KIF24: variants seen among roughly 807,000 people sequenced by gnomAD.
The protein encoded by KIF24 is kinesin family member 24.
KIF24 carries 81 observed loss-of-function variants against 118.9 expected under a neutral mutation model. The observed-to-expected ratio is 0.68, with a 90% CI of 0.57 to 0.82. The LOEUF (loss-of-function observed/expected upper bound fraction) is 0.82, where lower values mean the gene tolerates loss of function less well. Ranked by LOEUF, KIF24 falls within the 40% of genes least tolerant of loss-of-function variation. KIF24 has a pLI of 0.00. For missense variants in KIF24, 1,560 were observed against 1,661.6 expected (o/e 0.94, Z 1.06); for synonymous variants, 599 against 610.0 (o/e 0.98, Z 0.27).
At chr9:34,291,581 G>C (rs927217556) in intron 4 of KIF24, among the ~76,000 whole-genome samples, 8 of 152,328 alleles carry the variant, frequency 5.3e-5, no homozygotes, top group African/African-American at 1.9e-4. Context: ...TTATGAGTGT[G>C]AAGAACTGCA....
intron 8 of KIF24, among the ~76,000 whole-genome samples, chr9:34,266,417 G>A (rs564541822): frequency 2.4e-4 from 36 of 152,252 alleles, no homozygotes; most frequent in Admixed American, 1.8e-3. Context: ...GGTGGCTCAT[G>A]CCTGTAATCC....
At chr9:34,307,607 G>A (rs1836973914) in intron 2 of KIF24, among the ~76,000 whole-genome samples, 1 of 152,042 alleles carries the variant, frequency 6.6e-6, no homozygotes, top group Non-Finnish European at 1.5e-5. Flanking sequence ...GGAAAATCGT[G>A]ACAATCATTG....
intron 8 of KIF24, among the ~76,000 whole-genome samples, chr9:34,263,525 A>G (rs1835172231): frequency 6.6e-6 from 1 of 151,986 alleles, no homozygotes; most frequent in Admixed American, 6.6e-5. Context: ...CTCTCCTCAC[A>G]TTCTTCCCAA....
At chr9:34,284,860 G>A (rs183586561) in intron 6 of KIF24, among the ~76,000 whole-genome samples, 20 of 152,052 alleles carry the variant, frequency 1.3e-4, no homozygotes, top group African/African-American at 4.6e-4. Flanking sequence ...GCATTTTTCT[G>A]TATAGTGCTA....
At chr9:34,296,890 A>C in intron 4 of KIF24, 127 bp downstream of exon 4, 1 of 541,132 alleles carries the variant, frequency 1.8e-6, no homozygotes, top group African/African-American at 1.9e-5. Context: ...ATCTAAATTT[A>C]TTAGCTCAAA....
intron 6 of KIF24, among the ~76,000 whole-genome samples, chr9:34,275,606 C>T (rs1328581542): frequency 1.3e-5 from 2 of 151,996 alleles, no homozygotes; most frequent in African/African-American, 4.8e-5. Flanking sequence ...TTTGGGAGGC[C>T]AAGGCGGGTG....
In KIF24 at chr9:34,255,161, C is replaced by A; in HGVS notation, c.3877G>T (p.Val1293Leu). The change falls in exon 12 of 13, where the codon GTG (valine) becomes TTG (leucine). Residue 1293 changes from valine to leucine, a missense_variant. Physicochemically the swap from Val to Leu is conservative, Grantham distance 32. Around this residue, in one of 3 missense-constraint regions of KIF24, gnomAD observed 591 missense variants for 655.6 expected, o/e 0.90. Transcript: ENST00000402558. ...TGTTCCTGGTGTGCTCGGATGACCA[C>A]CTGCCTGGGAACACCAGAGAGAACA... Reference protein sequence around the residue: ...RQPTLEQAQQVVIRAHQEQLD... With the variant: ...RQPTLEQAQQLVIRAHQEQLD... The A allele has an allele frequency of 1.3e-6, 2 of 1,572,850 alleles. No homozygotes were observed. The highest frequency in any genetic ancestry group is 8.6e-7 in the Non-Finnish European group (1 of 1,156,516).
At chr9:34,254,581 C>CA in intron 12 of KIF24, 61 bp from the exon 13 acceptor site, 1 of 1,536,574 alleles carries the variant, frequency 6.5e-7, no homozygotes, top group African/African-American at 1.4e-5. Context: ...GCCAGATCTG[C>CA]TTTTTCAGTC....
At chr9:34,297,571 G>A (rs982221789) in intron 3 of KIF24, among the ~76,000 whole-genome samples, 5 of 152,112 alleles carry the variant, frequency 3.3e-5, no homozygotes, top group Non-Finnish European at 7.3e-5. Context: ...GACCATCCTG[G>A]CTAACACGGT....
At position 34,257,239 on chromosome 9, in the gene KIF24, A is replaced by T. The variant is rs1285320950; in HGVS notation, c.2368T>A (p.Leu790Ile). ...KLKYQPLKRSLRQYRPPEGQL... is the reference protein window; with the variant it reads ...KLKYQPLKRSIRQYRPPEGQL... ...CCCTCTGGGGGCCTGTACTGGCGTA[A>T]AGACCTTTTCAGTGGTTGGTATTTT... The change falls in exon 11 of 13, where the codon TTA becomes ATA. Residue 790 changes from leucine to isoleucine, a missense_variant. By Grantham distance (5) the Leu-to-Ile change is conservative. Transcript: ENST00000402558. 6.2e-7 allele frequency: 1 copy of T among 1,613,916 alleles called. No homozygotes were observed. Among genetic ancestry groups the T allele is most frequent in the Non-Finnish European group, 8.5e-7 (1 of 1,179,902 alleles).
chr9:34,309,298 T>C (rs1321284901), intron 2 of KIF24, among the ~76,000 whole-genome samples: 2 of 152,064 alleles, frequency 1.3e-5, no homozygotes, highest in African/African-American at 4.8e-5. Flanking sequence ...TCCCAGCATT[T>C]TGGGAGGCTG....
At chr9:34,333,049 T>C (rs183598152), upstream of KIF24, among the ~76,000 whole-genome samples, 2 of 152,244 alleles carry the variant, frequency 1.3e-5, no homozygotes, top group African/African-American at 2.4e-5. Context: ...GCTTTCCTCC[T>C]CATCTGGAGG....
chr9:34,268,591 T>A (rs1294903581), intron 8 of KIF24, among the ~76,000 whole-genome samples: 1 of 145,196 alleles, frequency 6.9e-6, no homozygotes, highest in African/African-American at 2.6e-5. Context: ...CACTACAACC[T>A]CCACCTCCTG....
intron 3 of KIF24, among the ~76,000 whole-genome samples, chr9:34,299,164 T>A (rs1272441230): frequency 6.6e-6 from 1 of 151,912 alleles, no homozygotes; most frequent in African/African-American, 2.4e-5. Context: ...ACGTATATAA[T>A]AGTAATATAT....
In KIF24 at chr9:34,257,569, C is replaced by T. The variant is rs1834901840; in HGVS notation, c.2038G>A (p.Val680Ile). Residue 680 changes from valine to isoleucine, a missense_variant, in exon 11 of 13, where the codon GTC (valine) becomes ATC (isoleucine). Transcript: ENST00000402558. ...GAGGCCCTGCTTTCCCACCCAAGGACAGTTTTGTTGCCCATTCGATTTTTC... is the reference window on the plus strand; with the variant it reads ...GAGGCCCTGCTTTCCCACCCAAGGATAGTTTTGTTGCCCATTCGATTTTTC... Reference protein sequence around the residue: ...SEKNRMGNKTVLGWESRASGP... With the variant: ...SEKNRMGNKTILGWESRASGP... The T allele has an allele frequency of 3.1e-6, 5 of 1,614,072 alleles. No homozygotes were observed. Among genetic ancestry groups the T allele is most frequent in the Non-Finnish European group, 4.2e-6 (5 of 1,179,890 alleles).
At position 34,311,366 on chromosome 9, in the gene KIF24, T is replaced by A. The variant is rs556909679; in HGVS notation, c.-20A>T. 6.6e-7 allele frequency: 1 copy of A among 1,518,254 alleles called. No individual in the cohort carries two copies. The highest frequency in any genetic ancestry group is 1.3e-5 in the South Asian group (1 of 75,964). The allele number at this position is 1,518,254 out of a possible 1,614,324, so 94.0% of individuals were successfully genotyped here. A position where few individuals can be genotyped will look rare whatever the true frequency, so the allele number is the denominator to read the frequency against. Reference sequence around the variant, plus strand: ...TGCCATTTTGGTGAATAGGTTTCTATAAACTCTGAAGAGAGAAAGAAAAGC... The same window carrying A: ...TGCCATTTTGGTGAATAGGTTTCTAAAAACTCTGAAGAGAGAAAGAAAAGC... On this transcript the variant is annotated 5_prime_UTR_variant, in exon 2 of 13. Transcript: ENST00000402558.
chr9:34,253,932 G>T lies in KIF24; in HGVS notation c.*448C>A. 1 of 154,576 alleles carries T rather than the reference G, an allele frequency of 6.5e-6. No homozygotes were observed. The highest frequency in any genetic ancestry group is 1.9e-4 in the East Asian group (1 of 5,280). 9.6% of individuals were successfully genotyped at this position (154,576 alleles called of 1,614,324 possible). A position where few individuals can be genotyped will look rare whatever the true frequency, so the allele number is the denominator to read the frequency against. On this transcript the variant is annotated 3_prime_UTR_variant, in exon 13 of 13. Coordinates refer to ENST00000402558, the MANE Select transcript of KIF24 (RefSeq NM_194313.4). ...TTTGGGCCAGTGTTTAGTCTTCTAA[G>T]TTAGGCACAGAATTCAGCTGGTGAA...
chr9:34,310,658 G>A, intron 2 of KIF24, 66 bp downstream of exon 2: 1 of 1,183,420 alleles, frequency 8.5e-7, no homozygotes, highest in Admixed American at 2.4e-5. Context: ...TGCTGGACAT[G>A]AAGGAGAGGC....
chr9:34,291,449 A>C (rs1182873766), intron 4 of KIF24, among the ~76,000 whole-genome samples: 1 of 152,216 alleles, frequency 6.6e-6, no homozygotes. Flanking sequence ...CACTTTTATC[A>C]GTAGATTAGT....
Sources: allele counts gnomAD v4.1 joint callset (sites outside exome capture counted in the v4.1 genomes callset), GRCh38; gene constraint gnomAD v4.1.1; regional missense constraint gnomAD v4.1.1; transcripts MANE v1.5; gene names NCBI Gene and HGNC (gene_info 2026-07-23, HGNC 2026-07-21).